CFAP46: variants seen among roughly 807,000 people sequenced by gnomAD.
CFAP46 encodes the protein cilia and flagella associated protein 46.
A neutral mutation model predicts 325.7 loss-of-function variants in CFAP46; 245 were observed. That is an observed-to-expected ratio of 0.75 (90% CI 0.68 to 0.84). CFAP46 has a LOEUF of 0.84. Among genes scored for constraint, CFAP46 ranks in the 40% least tolerant of loss-of-function variants. The pLI, the probability that CFAP46 is intolerant of heterozygous loss-of-function variation, is 0.00. For synonymous variants in CFAP46, 1,523 were observed against 1,495.9 expected (o/e 1.02, Z -0.42); for missense variants, 3,346 against 3,543.0 (o/e 0.94, Z 1.41).
rs148602113 is a variant in CFAP46 at position 132,933,983 on chromosome 10, G to A, written c.866+769C>T. ...CAGGTTCCCATCCCGCAGACACAGC[G>A]AGGTCATGGACCTGTGCCCGGGTAC... On this transcript the variant is annotated intron_variant, in intron 8 of 57. Coordinates refer to ENST00000368586, the MANE Select transcript of CFAP46 (RefSeq NM_001200049.3). Among the ~76,000 whole-genome samples, 77 of 152,324 alleles carry A rather than the reference G, an allele frequency of 5.1e-4. No individual in the cohort carries two copies. In the South Asian group the frequency reaches 9.1e-3, roughly 18 times the overall value.
intron 19 of CFAP46, among the ~76,000 whole-genome samples, chr10:132,911,835 G>A (rs1321934215): frequency 6.6e-6 from 1 of 151,782 alleles, no homozygotes; most frequent in Non-Finnish European, 1.5e-5. Context: ...CGCCGTTTCT[G>A]GTTCTATTTC....
At chr10:132,890,539 TC>T (rs910434904) in intron 25 of CFAP46, among the ~76,000 whole-genome samples, 1 of 151,292 alleles carries the variant, frequency 6.6e-6, no homozygotes, top group Non-Finnish European at 1.5e-5. Flanking sequence ...CAGTGCGGAG[TC>T]CCCCCCAGAG....
At chr10:132,925,367 T>G (rs1171345927) in intron 10 of CFAP46, among the ~76,000 whole-genome samples, 1 of 152,254 alleles carries the variant, frequency 6.6e-6, no homozygotes, top group Non-Finnish European at 1.5e-5. Context: ...CCCCACAGCC[T>G]GTGGCTTCCA....
chr10:132,874,248 C>A (rs895892498), intron 31 of CFAP46, among the ~76,000 whole-genome samples: 8 of 152,214 alleles, frequency 5.3e-5, no homozygotes, highest in Non-Finnish European at 1.2e-4. Context: ...GTGCCGCCAA[C>A]CAAAGCTGGT....
rs1848458137 is a variant in CFAP46 at position 132,847,425 on chromosome 10, G to C, written c.5953-104C>G. The stretch of plus-strand genomic sequence containing the variant: ...CGGGGTGGTCGGGCTCCTCAGCAGG[G>C]TCCCCGGGTAGGGGGTACCGCAGGC... On this transcript the variant is annotated intron_variant, in intron 41 of 57. Transcript: ENST00000368586. This position sits in a 1 kb window ranked among gnomAD's most constrained non-coding sequence, Gnocchi z 5.2. 1 of 1,417,686 alleles carries C rather than the reference G, an allele frequency of 7.1e-7. No homozygotes were observed. The highest frequency in any genetic ancestry group is 1.3e-5 in the South Asian group (1 of 79,750). 87.8% of individuals were successfully genotyped at this position (1,417,686 alleles called of 1,614,324 possible).
rs1193733336 is a variant in CFAP46, at chr10:132,877,866, C to A, written c.4212+15G>T. The A allele has an allele frequency of 6.5e-7, 1 of 1,548,960 alleles. No homozygotes were observed. Among genetic ancestry groups the A allele is most frequent in the South Asian group, 1.2e-5 (1 of 83,968 alleles). On this transcript the variant is annotated intron_variant, in intron 30 of 57. Transcript: ENST00000368586. This position sits in a 1 kb window ranked among gnomAD's most constrained non-coding sequence, Gnocchi z 5.7. ...CCTGGGCCCGGCCTCTGCACCGTGG[C>A]CACTTGGGCATCACCTGCTTGGGCT...
Position 132,849,480 on chromosome 10 carries a change from C to T in CFAP46, c.5952+764G>A, listed in dbSNP as rs376167987. ...AGCTGGTGTGTGGGGACGAGCCCAG[C>T]TTCTCTGCTGGGGCAGGTGCCTTCC... is the stretch of plus-strand genomic sequence containing the variant. On this transcript the variant is annotated intron_variant, in intron 41 of 57. Transcript: ENST00000368586. Among the ~76,000 whole-genome samples, 15 of 152,310 alleles carry T rather than the reference C, an allele frequency of 9.8e-5. No individual in the cohort carries two copies. The East Asian group carries it at 1.4e-3, about 14-fold the overall frequency.
In CFAP46 at chr10:132,889,967, C is replaced by T. The variant is rs998936069; in HGVS notation, c.3304+2366G>A. 6.6e-6 allele frequency among the ~76,000 whole-genome samples: 1 copy of T among 152,212 alleles called. No individual in the cohort carries two copies. Among genetic ancestry groups the T allele is most frequent in the African/African-American group, 2.4e-5 (1 of 41,458 alleles). The stretch of plus-strand genomic sequence containing the variant: ...TTCTGCACTTATCAGGATTCAGGAG[C>T]GTACATTTTCGTATCTGTGAAAAGT... On this transcript the variant is annotated intron_variant, in intron 25 of 57. Coordinates refer to ENST00000368586, the MANE Select transcript of CFAP46 (RefSeq NM_001200049.3). This position sits in a 1 kb window ranked among gnomAD's most constrained non-coding sequence, Gnocchi z 6.0.
In CFAP46 at chr10:132,922,633, G is replaced by C. The variant is rs556187299; in HGVS notation, c.1332C>G (p.Pro444=). The change falls in exon 12 of 58, where the codon CCC becomes CCG. Residue 444 remains proline, a synonymous_variant. Transcript: ENST00000368586. ...CGGCTTTCCGGAGGTGCTCCGTGGC[G>C]GGCTCCAGCCGGTCCTCGTCCTCCT... ...QIEEDEDRLE[P]ATEHLRKAAR... is the part of the protein sequence containing the mutation. 5.8e-6 allele frequency: 9 copies of C among 1,549,812 alleles called. No homozygotes were observed. Among genetic ancestry groups the C allele is most frequent in the Non-Finnish European group, 7.0e-6 (8 of 1,146,832 alleles).
intron 29 of CFAP46, among the ~76,000 whole-genome samples, chr10:132,878,902 C>T (rs1165032408): frequency 5.3e-5 from 8 of 152,152 alleles, no homozygotes; most frequent in Non-Finnish European, 1.0e-4. Context: ...GGGAGGCCCC[C>T]GACAGCTGCT....
intron 50 of CFAP46, among the ~76,000 whole-genome samples, chr10:132,823,979 G>A (rs1591036458): frequency 1.6e-5 from 2 of 124,882 alleles, no homozygotes; most frequent in South Asian, 3.0e-4. Flanking sequence ...GCTAATGTGT[G>A]CTGTGTGTGC....
intron 8 of CFAP46, among the ~76,000 whole-genome samples, chr10:132,933,685 C>T (rs896492239): frequency 3.3e-5 from 5 of 152,230 alleles, no homozygotes; most frequent in African/African-American, 7.2e-5. Flanking sequence ...AGCTGAGCAG[C>T]GGAGACCTCA....
chr10:132,912,597 CCTCTCTCCTCTCTCTCT>C (rs1849567806), intron 19 of CFAP46, 41 bp downstream of exon 19: 7 of 1,281,448 alleles, frequency 5.5e-6, no homozygotes, highest in Non-Finnish European at 6.3e-6. Context: ...CTCTCTCTCT[CCTCTCTCCTCTCTCTCT>C]CTCTCTCTCT....
rs572260676 is a variant in CFAP46, at chr10:132,878,622, A to G, written c.4006-535T>C. 4.8e-4 allele frequency among the ~76,000 whole-genome samples: 73 copies of G among 152,302 alleles called. 1 individual carries two copies. Among genetic ancestry groups the G allele is most frequent in the African/African-American group, 1.4e-3 (59 of 41,576 alleles). ...GAGAATAACATTGAGCAATTCTCCT[A>G]GAAGAGTCACAAAGAATGGCAGCGT... On this transcript the variant is annotated intron_variant, in intron 29 of 57. Coordinates refer to ENST00000368586, the MANE Select transcript of CFAP46 (RefSeq NM_001200049.3).
intron 6 of CFAP46, 44 bp downstream of exon 6, chr10:132,937,508 A>C: frequency 6.2e-7 from 1 of 1,610,694 alleles, no homozygotes; most frequent in Non-Finnish European, 8.5e-7. Flanking sequence ...ATGACTTTTA[A>C]GAAAATTACT....
rs376372983 is a variant in CFAP46 at position 132,814,596 on chromosome 10, G to A, written c.7266C>T (p.Tyr2422=). Residue 2422 remains tyrosine (Y), a synonymous_variant, in exon 53 of 58, where the codon TAC becomes TAT. Transcript: ENST00000368586. ...SDNFKFVVDP[Y]EEAQGPEMLT... is the part of the protein sequence containing the mutation. ...ACCCACCTGGGCCCTGGGCCTCCTC[G>A]TATGGGTCCACGACGACTGGGTCCC... 170 of 1,572,362 alleles carry A rather than the reference G, an allele frequency of 1.1e-4. 1 individual carries two copies. Among genetic ancestry groups the A allele is most frequent in the Middle Eastern group, 6.9e-4 (4 of 5,790 alleles).
intron 50 of CFAP46, among the ~76,000 whole-genome samples, chr10:132,823,491 GC>G (rs1847939993): frequency 7.4e-6 from 1 of 134,866 alleles, no homozygotes; most frequent in African/African-American, 2.8e-5. Flanking sequence ...TGTGCTGTGT[GC>G]TGATGTGTGC....
chr10:132,909,806 G>C, intron 20 of CFAP46, 113 bp downstream of exon 20: 2 of 1,018,138 alleles, frequency 2.0e-6, no homozygotes, highest in Non-Finnish European at 2.7e-6. Flanking sequence ...GGCCATCCGT[G>C]ATGGCTCCAT....
At position 132,897,432 on chromosome 10, in the gene CFAP46, G is replaced by C. The variant is rs115348663; in HGVS notation, c.3219+1527C>G. On this transcript the variant is annotated intron_variant, in intron 24 of 57. Coordinates refer to ENST00000368586, the MANE Select transcript of CFAP46 (RefSeq NM_001200049.3). ...ACCTCCGTCTGCTACGGCCCTCACT[G>C]TCCGTGGGCTCTCCCTTCACAGGCC... 2.5e-3 allele frequency among the ~76,000 whole-genome samples: 379 copies of C among 152,328 alleles called. 4 individuals are homozygous for C. The highest frequency in any genetic ancestry group is 8.8e-3 in the African/African-American group (366 of 41,572).
Sources: gnomAD v4.1 joint callset for allele counts (sites outside exome capture counted in the v4.1 genomes callset) on GRCh38, gnomAD v4.1.1 for gene constraint, Gnocchi (gnomAD v3.1) non-coding constraint, MANE v1.5 for transcripts, NCBI Gene and HGNC (gene_info 2026-07-23, HGNC 2026-07-21) for gene names.